The following CCDC7 variants were observed in gnomAD, a reference collection of about 807,000 sequenced individuals.
CCDC7 encodes the protein coiled-coil domain-containing protein 7.
A neutral mutation model predicts 196.9 loss-of-function variants in CCDC7; 183 were observed. The observed-to-expected ratio is 0.93, with a 90% CI of 0.82 to 1.05. The LOEUF is 1.05. Among genes scored for constraint, CCDC7 ranks in the 50% least tolerant of loss-of-function variants. The pLI is 0.00. For missense variants in CCDC7, 1,540 were observed against 1,482.2 expected (o/e 1.04, Z -0.64); for synonymous variants, 525 against 484.6 (o/e 1.08, Z -1.10).
intron 23 of CCDC7, among the ~76,000 whole-genome samples, chr10:32,692,077 T>A (rs1161107429): frequency 6.6e-6 from 1 of 152,188 alleles, no homozygotes; most frequent in Non-Finnish European, 1.5e-5. Context: ...TACCCACATC[T>A]CTTAGTTGCT....
At chr10:32,606,464 T>G (rs920417792) in intron 18 of CCDC7, among the ~76,000 whole-genome samples, 5 of 152,226 alleles carry the variant, frequency 3.3e-5, no homozygotes, top group African/African-American at 1.2e-4. Context: ...GCTTGCACCC[T>G]GTGCCTGGAA....
At chr10:32,787,247 G>A (rs906477840) in intron 29 of CCDC7, among the ~76,000 whole-genome samples, 3 of 151,562 alleles carry the variant, frequency 2.0e-5, no homozygotes, top group Admixed American at 6.6e-5. Flanking sequence ...TCCACACCGA[G>A]ACACATTGTA....
intron 20 of CCDC7, among the ~76,000 whole-genome samples, chr10:32,654,732 G>A (rs2069448874): frequency 1.3e-5 from 2 of 152,224 alleles, no homozygotes; most frequent in African/African-American, 2.4e-5. Flanking sequence ...TTCATTTCCT[G>A]TTTGCTCAGA....
At chr10:32,844,411 G>T (rs2093160297) in intron 33 of CCDC7, among the ~76,000 whole-genome samples, 1 of 151,792 alleles carries the variant, frequency 6.6e-6, no homozygotes, top group Non-Finnish European at 1.5e-5. Flanking sequence ...ATACATACTT[G>T]ATTTATAGTT....
At chr10:32,556,035 T>C (rs1001656932) in intron 13 of CCDC7, among the ~76,000 whole-genome samples, 6 of 152,124 alleles carry the variant, frequency 3.9e-5, no homozygotes, top group African/African-American at 1.4e-4. Flanking sequence ...TCACTCATGG[T>C]GTCATTTGTG....
chr10:32,728,836 T>C, intron 26 of CCDC7, 51 bp from the exon 28 acceptor site: 2 of 1,001,290 alleles, frequency 2.0e-6, no homozygotes, highest in Non-Finnish European at 3.0e-6. Flanking sequence ...ATATTATACA[T>C]TCATAGATTT....
chr10:32,643,380 T>C (rs2067189426), intron 20 of CCDC7, among the ~76,000 whole-genome samples: 1 of 152,202 alleles, frequency 6.6e-6, no homozygotes, highest in South Asian at 2.1e-4. Flanking sequence ...TTTCTGTCTT[T>C]CTGGATTTTT....
At chr10:32,850,388 G>A (rs2093504614) in intron 39 of CCDC7, among the ~76,000 whole-genome samples, 1 of 152,170 alleles carries the variant, frequency 6.6e-6, no homozygotes, top group Non-Finnish European at 1.5e-5. Context: ...GAGTCTTCAA[G>A]TTCTAAGAGC....
intron 28 of CCDC7, among the ~76,000 whole-genome samples, chr10:32,776,063 T>C (rs1460506788): frequency 6.9e-6 from 1 of 145,802 alleles, no homozygotes; most frequent in African/African-American, 2.5e-5. Flanking sequence ...TTCTCACTCA[T>C]AGGTGGGAAT....
At chr10:32,735,125 C>T (rs1329742097) in intron 28 of CCDC7, among the ~76,000 whole-genome samples, 2 of 151,994 alleles carry the variant, frequency 1.3e-5, no homozygotes, top group African/African-American at 2.4e-5. Flanking sequence ...AAGAGTCCAA[C>T]GATTTCTTCA....
At chr10:32,600,990 T>G (rs1226536659) in intron 18 of CCDC7, among the ~76,000 whole-genome samples, 2 of 152,320 alleles carry the variant, frequency 1.3e-5, no homozygotes, top group East Asian at 1.9e-4. Flanking sequence ...TATAGAATTC[T>G]TATTTGATTT....
Position 32,815,673 on chromosome 10 carries a change from A to G in CCDC7, c.3181+1220A>G, listed in dbSNP as rs188869106. The stretch of plus-strand genomic sequence containing the variant: ...TCTATTAAATCTAAGTAGAATAAAT[A>G]CAAATCAATCCATGACCAGACTAAT... On this transcript the variant is annotated intron_variant, in intron 31 of 41. Coordinates refer to ENST00000639629, the Ensembl canonical transcript of CCDC7. Among the ~76,000 whole-genome samples the G allele has an allele frequency of 1.7e-3, 258 of 152,334 alleles. 2 individuals carry two copies. The highest frequency in any genetic ancestry group is 6.0e-3 in the African/African-American group (248 of 41,580).
At chr10:32,642,489 C>G (rs749366832) in intron 20 of CCDC7, among the ~76,000 whole-genome samples, 1 of 152,194 alleles carries the variant, frequency 6.6e-6, no homozygotes, top group African/African-American at 2.4e-5. Flanking sequence ...GTTTGCTGAC[C>G]GTTGGAAGAG....
chr10:32,706,497 C>G (rs183339449), intron 24 of CCDC7, among the ~76,000 whole-genome samples: 18 of 152,038 alleles, frequency 1.2e-4, no homozygotes, highest in African/African-American at 4.3e-4. Flanking sequence ...GATAGAGACA[C>G]AAAAAACCCT....
chr10:32,661,554 C>G (rs2140397134), intron 20 of CCDC7, among the ~76,000 whole-genome samples: 1 of 152,224 alleles, frequency 6.6e-6, no homozygotes, highest in African/African-American at 2.4e-5. Context: ...GATCTTGCTG[C>G]TGATTATTCA....
At chr10:32,663,236 G>A (rs775054885) in intron 20 of CCDC7, among the ~76,000 whole-genome samples, 1 of 152,090 alleles carries the variant, frequency 6.6e-6, no homozygotes, top group African/African-American at 2.4e-5. Context: ...CTTTTGATTG[G>A]TGTGCAATAT....
chr10:32,585,356 A>T (rs893070230), intron 18 of CCDC7, among the ~76,000 whole-genome samples: 2 of 152,216 alleles, frequency 1.3e-5, no homozygotes, highest in Non-Finnish European at 2.9e-5. Context: ...TACAGGCGTG[A>T]GCCACCGCGC....
chr10:32,532,172 T>C (rs1054861628), intron 11 of CCDC7, among the ~76,000 whole-genome samples: 1 of 152,154 alleles, frequency 6.6e-6, no homozygotes, highest in African/African-American at 2.4e-5. Context: ...CATTGGCGTT[T>C]ATTGCTATAA....
At chr10:32,538,790 G>A (rs575092040) in intron 11 of CCDC7, among the ~76,000 whole-genome samples, 3 of 152,282 alleles carry the variant, frequency 2.0e-5, no homozygotes, top group African/African-American at 7.2e-5. Context: ...CAGATTTATT[G>A]ATTTGCCTAT....
Sources: allele counts gnomAD v4.1 joint callset (sites outside exome capture counted in the v4.1 genomes callset), GRCh38; gene constraint gnomAD v4.1.1; transcripts MANE v1.5; gene names NCBI Gene and HGNC (gene_info 2026-07-23, HGNC 2026-07-21).